The following RGS20 variants were observed in gnomAD, a reference collection of about 807,000 sequenced individuals.
RGS20 encodes the protein regulator of G protein signaling 20.
A neutral mutation model predicts 33.6 loss-of-function variants in RGS20; 30 were observed. That is an observed-to-expected ratio of 0.89 (90% CI 0.67 to 1.21). RGS20 has a LOEUF of 1.21. Ranked by LOEUF, RGS20 falls within the 50% of genes most tolerant of loss-of-function variation. The pLI, the probability that RGS20 is intolerant of heterozygous loss-of-function variation, is 0.00. For missense variants in RGS20, 472 were observed against 502.4 expected (o/e 0.94, Z 0.58); for synonymous variants, 208 against 197.9 (o/e 1.05, Z -0.43).
At chr8:53,882,021 C>T (rs1354106850) in intron 2 of RGS20, among the ~76,000 whole-genome samples, 1 of 151,932 alleles carries the variant, frequency 6.6e-6, no homozygotes, top group African/African-American at 2.4e-5. Flanking sequence ...AGCGGACGGG[C>T]CAGGGGCCTC....
chr8:53,915,003 G>C (rs1268645373), intron 2 of RGS20, among the ~76,000 whole-genome samples: 1 of 152,034 alleles, frequency 6.6e-6, no homozygotes, highest in Non-Finnish European at 1.5e-5. Flanking sequence ...AAATTAGCTG[G>C]GTGTGGTGAT....
At chr8:53,856,837 T>C (rs961117050) in intron 1 of RGS20, among the ~76,000 whole-genome samples, 3 of 151,772 alleles carry the variant, frequency 2.0e-5, no homozygotes, top group Admixed American at 6.6e-5. Context: ...GTTCCAGACA[T>C]GTGATCCCTT....
intron 1 of RGS20, among the ~76,000 whole-genome samples, chr8:53,864,879 C>T (rs1811886792): frequency 6.6e-6 from 1 of 152,188 alleles, no homozygotes; most frequent in Admixed American, 6.5e-5. Flanking sequence ...TAAAATGTTT[C>T]ATATCAAGGC....
intron 2 of RGS20, among the ~76,000 whole-genome samples, chr8:53,890,043 A>G (rs1269211602): frequency 1.3e-5 from 2 of 152,044 alleles, no homozygotes; most frequent in Non-Finnish European, 2.9e-5. Flanking sequence ...CTCTTCAAAT[A>G]TGGCTTTGTC....
rs1814967498 is a variant in RGS20, at chr8:53,959,241, T to A, written c.*783T>A. 1 of 152,220 alleles carries A rather than the reference T, an allele frequency of 6.6e-6. No individual in the cohort carries two copies. Among genetic ancestry groups the A allele is most frequent in the Non-Finnish European group, 1.5e-5 (1 of 68,044 alleles). 9.4% of individuals were successfully genotyped at this position (152,220 alleles called of 1,614,324 possible). ...CAAATAAGCATATTTCCATTTTTAT[T>A]ACTGAAAGAAATATGGGCATTTTCA... On this transcript the variant is annotated 3_prime_UTR_variant, in exon 6 of 6. Coordinates refer to ENST00000297313, the MANE Select transcript of RGS20 (RefSeq NM_170587.4).
At chr8:53,880,734 C>A in intron 2 of RGS20, 138 bp from the exon 1 acceptor site, 1 of 604,986 alleles carries the variant, frequency 1.7e-6, no homozygotes, top group Non-Finnish European at 2.5e-6. Flanking sequence ...GGGCTGCGGC[C>A]GGGGTGGAGG....
At chr8:53,939,000 T>A (rs1256109189) in intron 2 of RGS20, among the ~76,000 whole-genome samples, 1 of 152,188 alleles carries the variant, frequency 6.6e-6, no homozygotes, top group East Asian at 1.9e-4. Flanking sequence ...GGGTTCTGAA[T>A]GCTTCCACGT....
At chr8:53,930,854 AG>A (rs1480294943) in intron 2 of RGS20, among the ~76,000 whole-genome samples, 2 of 152,164 alleles carry the variant, frequency 1.3e-5, no homozygotes, top group Non-Finnish European at 2.9e-5. Context: ...AACATCTCAT[AG>A]GAAATAATAG....
At chr8:53,858,098 T>C (rs1811720700) in intron 1 of RGS20, among the ~76,000 whole-genome samples, 1 of 152,222 alleles carries the variant, frequency 6.6e-6, no homozygotes. Context: ...CAGAGACTAT[T>C]CTTATATAGC....
At chr8:53,947,249 AT>A (rs1165913533) in intron 4 of RGS20, among the ~76,000 whole-genome samples, 1 of 140,840 alleles carries the variant, frequency 7.1e-6, no homozygotes, top group Non-Finnish European at 1.5e-5. Context: ...GATATAGCAT[AT>A]TTATTTATAC....
At chr8:53,929,401 C>T (rs1162631094) in intron 2 of RGS20, among the ~76,000 whole-genome samples, 3 of 152,148 alleles carry the variant, frequency 2.0e-5, no homozygotes, top group Non-Finnish European at 4.4e-5. Flanking sequence ...TAAGAACAGG[C>T]CAGGCGCAGT....
At chr8:53,891,759 A>T (rs1812714546) in intron 2 of RGS20, among the ~76,000 whole-genome samples, 1 of 152,042 alleles carries the variant, frequency 6.6e-6, no homozygotes, top group Non-Finnish European at 1.5e-5. Context: ...GCCATTTGTG[A>T]GTGTAAAATG....
At chr8:53,861,525 C>T (rs1399007750) in intron 1 of RGS20, among the ~76,000 whole-genome samples, 2 of 152,218 alleles carry the variant, frequency 1.3e-5, no homozygotes, top group African/African-American at 2.4e-5. Context: ...GCAGTTGATA[C>T]TACCAATGTC....
intron 1 of RGS20, among the ~76,000 whole-genome samples, chr8:53,858,205 G>A (rs1585858280): frequency 6.6e-6 from 1 of 152,064 alleles, no homozygotes. Flanking sequence ...AAAAGTAAAT[G>A]GCGGCTAGAT....
At chr8:53,952,167 TC>T (rs1814726852) in intron 4 of RGS20, among the ~76,000 whole-genome samples, 1 of 130,072 alleles carries the variant, frequency 7.7e-6, no homozygotes, top group South Asian at 3.3e-4. Flanking sequence ...AACATCTGCC[TC>T]CCGGGTTCAA....
At chr8:53,943,367 C>A (rs1191623093) in intron 3 of RGS20, among the ~76,000 whole-genome samples, 2 of 152,166 alleles carry the variant, frequency 1.3e-5, no homozygotes, top group East Asian at 3.9e-4. Flanking sequence ...GTAAGGCCTT[C>A]TGGTATTTAG....
At chr8:53,951,561 A>G (rs1270461889) in intron 4 of RGS20, among the ~76,000 whole-genome samples, 2 of 152,210 alleles carry the variant, frequency 1.3e-5, no homozygotes, top group Non-Finnish European at 2.9e-5. Flanking sequence ...TCATTTACAA[A>G]AACTTGGATT....
chr8:53,865,123 C>G (rs975629117), intron 1 of RGS20, among the ~76,000 whole-genome samples: 2 of 152,214 alleles, frequency 1.3e-5, no homozygotes, highest in African/African-American at 4.8e-5. Flanking sequence ...GCCCAGGCAG[C>G]CTTCCTGGGC....
At chr8:53,934,674 C>T (rs1409579129) in intron 2 of RGS20, among the ~76,000 whole-genome samples, 3 of 152,120 alleles carry the variant, frequency 2.0e-5, no homozygotes, top group African/African-American at 4.8e-5. Flanking sequence ...GACTTTTACA[C>T]CCCACTGTCA....
Sources: allele counts gnomAD v4.1 joint callset (sites outside exome capture counted in the v4.1 genomes callset), GRCh38; gene constraint gnomAD v4.1.1; transcripts MANE v1.5; gene names NCBI Gene and HGNC (gene_info 2026-07-23, HGNC 2026-07-21).